RANBP2: variants seen among roughly 807,000 people sequenced by gnomAD.
RANBP2 encodes the protein E3 SUMO-protein ligase RanBP2.
RANBP2 carries 57 observed loss-of-function variants against 303.6 expected under a neutral mutation model. The observed-to-expected ratio is 0.19, with a 90% CI of 0.15 to 0.23. The LOEUF is 0.23. RANBP2 is among the 10% of genes least tolerant of loss of function. The pLI is 1.00. For missense variants in RANBP2, 3,138 were observed against 3,780.8 expected (o/e 0.83, Z 4.46); for synonymous variants, 1,167 against 1,301.5 (o/e 0.90, Z 2.23).
intron 6 of RANBP2, among the ~76,000 whole-genome samples, chr2:108,738,152 T>C (rs562760369): frequency 2.0e-5 from 3 of 151,918 alleles, no homozygotes; most frequent in Non-Finnish European, 4.4e-5. Flanking sequence ...CTCGGCTCAC[T>C]GCAAGCTCTG....
At chr2:109,390,896 G>A in the RANBP2 span, among the ~76,000 whole-genome samples, 6 of 152,318 alleles carry the variant, frequency 3.9e-5, no homozygotes, top group Admixed American at 2.6e-4. Context: ...AGAGGGTCCC[G>A]GCATGAATGC....
At chr2:109,494,243 G>C in the RANBP2 span, among the ~76,000 whole-genome samples, 1 of 152,190 alleles carries the variant, frequency 6.6e-6, no homozygotes, top group Admixed American at 6.5e-5. Context: ...ACTCACTCCC[G>C]TTCTCTGAGT....
At chr2:108,833,800 T>C in the RANBP2 span, among the ~76,000 whole-genome samples, 1 of 147,966 alleles carries the variant, frequency 6.8e-6, no homozygotes, top group Non-Finnish European at 1.5e-5. Flanking sequence ...TGATCTCGGC[T>C]CACTGCAAGC....
In RANBP2 at chr2:108,719,502, A is replaced by ACG; in HGVS notation, c.-104_-103dup. 6.6e-7 allele frequency: 1 copy of ACG among 1,523,600 alleles called. No individual in the cohort carries two copies. Among genetic ancestry groups the ACG allele is most frequent in the Admixed American group, 2.0e-5 (1 of 49,084 alleles). 94.4% of individuals were successfully genotyped at this position (1,523,600 alleles called of 1,614,324 possible). A position where few individuals can be genotyped will look rare whatever the true frequency, so the allele number is the denominator to read the frequency against. On this transcript the variant is annotated 5_prime_UTR_variant, in exon 1 of 29. Transcript: ENST00000283195. ...TCGTCACAGTGGTCCTCCGCCGGCT[A>ACG]CGGCGCTGCGTCACTGGTTTGCAGG...
chr2:109,541,862 A>T, the RANBP2 span, among the ~76,000 whole-genome samples: 1 of 152,192 alleles, frequency 6.6e-6, no homozygotes, highest in African/African-American at 2.4e-5. Context: ...CTGCTCCATG[A>T]TGCATGGATG....
the RANBP2 span, chr2:109,544,868 C>A: frequency 4.1e-5 from 35 of 847,524 alleles, no homozygotes; most frequent in East Asian, 1.7e-3. Flanking sequence ...AGATAAAGAT[C>A]CATGCCCTTG....
At chr2:109,305,203 A>G in the RANBP2 span, among the ~76,000 whole-genome samples, 1 of 152,096 alleles carries the variant, frequency 6.6e-6, no homozygotes, top group Non-Finnish European at 1.5e-5. Flanking sequence ...TGATGTTCTA[A>G]TATATCTCTT....
the RANBP2 span, among the ~76,000 whole-genome samples, chr2:109,223,358 A>G: frequency 2.6e-5 from 4 of 152,286 alleles, no homozygotes; most frequent in Middle Eastern, 3.4e-3. Flanking sequence ...GGCGTTCTGA[A>G]GCCCGAAGAA....
chr2:109,382,571 C>T, the RANBP2 span, among the ~76,000 whole-genome samples: 1 of 152,200 alleles, frequency 6.6e-6, no homozygotes, highest in African/African-American at 2.4e-5. Context: ...GCCCCTCTGT[C>T]ACCCCACACA....
At chr2:109,744,319 G>A in the RANBP2 span, among the ~76,000 whole-genome samples, 21 of 90,930 alleles carry the variant, frequency 2.3e-4, 5 homozygotes, top group Non-Finnish European at 4.9e-4. Context: ...TCTTACTAGC[G>A]TGAGATGTTT....
the RANBP2 span, among the ~76,000 whole-genome samples, chr2:109,266,141 A>G: frequency 7.3e-6 from 1 of 137,414 alleles, no homozygotes; most frequent in Non-Finnish European, 1.6e-5. Flanking sequence ...TTGTAGGTGC[A>G]TGTGTGCTGT....
the RANBP2 span, among the ~76,000 whole-genome samples, chr2:109,280,625 A>G: frequency 0.74 from 111,958 of 152,134 alleles, 41,911 homozygotes; most frequent in East Asian, 0.9. Flanking sequence ...AATCTACACT[A>G]ATAGATCTGC....
the RANBP2 span, among the ~76,000 whole-genome samples, chr2:108,926,852 AG>A: frequency 6.6e-6 from 1 of 152,332 alleles, no homozygotes. Flanking sequence ...ACTTGGATTC[AG>A]GAATGAACGC....
At chr2:108,879,988 TA>T in the RANBP2 span, among the ~76,000 whole-genome samples, 9 of 152,176 alleles carry the variant, frequency 5.9e-5, no homozygotes, top group Non-Finnish European at 1.2e-4. Flanking sequence ...CTAAAAATGT[TA>T]AGAGAACATA....
the RANBP2 span, chr2:108,910,503 C>T: frequency 6.2e-7 from 1 of 1,613,922 alleles, no homozygotes; most frequent in Non-Finnish European, 8.5e-7. Context: ...TTCTCAAATT[C>T]ATCCTTCTCG....
rs112109734 is a variant in RANBP2, at chr2:108,763,336, A to T, written c.2797A>T (p.Met933Leu). ...TPPVQSSSAC[M>L]FSQEMYGPPA... The stretch of plus-strand genomic sequence containing the variant: ...GCCAGTGCAAAGCTCATCTGCTTGT[A>T]TGTTCTCTCAGGAGATGTATGGTCC... Residue 933 changes from methionine to leucine, a missense_variant, in exon 20 of 29, where the codon ATG (methionine) becomes TTG (leucine). Met to Leu is a conservative substitution (Grantham distance 15, BLOSUM62 2). This residue lies in a region of RANBP2 where 403 missense variants were observed against 376.7 expected (regional missense o/e 1.07). Transcript: ENST00000283195. 8.1e-6 allele frequency: 13 copies of T among 1,613,932 alleles called. No individual in the cohort carries two copies. Among genetic ancestry groups the T allele is most frequent in the African/African-American group, 6.7e-5 (5 of 74,974 alleles).
At chr2:109,052,129 CAG>C in the RANBP2 span, among the ~76,000 whole-genome samples, 1 of 152,198 alleles carries the variant, frequency 6.6e-6, no homozygotes. Flanking sequence ...AGGTAAATAA[CAG>C]AATGAAAGAA....
At chr2:109,372,714 A>T in the RANBP2 span, among the ~76,000 whole-genome samples, 1 of 152,060 alleles carries the variant, frequency 6.6e-6, no homozygotes, top group African/African-American at 2.4e-5. Context: ...CTGCTCTCAC[A>T]CCATATCCTG....
the RANBP2 span, among the ~76,000 whole-genome samples, chr2:109,685,303 C>T: frequency 1.3e-5 from 2 of 152,162 alleles, no homozygotes; most frequent in Admixed American, 6.5e-5. Context: ...TACATAGGTT[C>T]GCACTTACAC....
Sources: gnomAD v4.1 joint callset for allele counts (sites outside exome capture counted in the v4.1 genomes callset) on GRCh38, gnomAD v4.1.1 for gene constraint, gnomAD v4.1.1 regional missense constraint, MANE v1.5 for transcripts, NCBI Gene and HGNC (gene_info 2026-07-23, HGNC 2026-07-21) for gene names.